Variants in TMCC1 observed in about 807,000 individuals in gnomAD.
The protein encoded by TMCC1 is transmembrane and coiled-coil domains protein 1.
Under a neutral mutation model 52.4 loss-of-function variants are expected in TMCC1, and 15 were observed. That is an observed-to-expected ratio of 0.29 (90% CI 0.19 to 0.44). The LOEUF (loss-of-function observed/expected upper bound fraction) is 0.44, where lower values mean the gene tolerates loss of function less well. Ranked by LOEUF, TMCC1 falls within the 20% of genes least tolerant of loss-of-function variation. The pLI is 1.00. For synonymous variants in TMCC1, 279 were observed against 301.9 expected, an observed-to-expected ratio of 0.92 and a Z score of 0.79; for missense variants, 503 against 806.0, an observed-to-expected ratio of 0.62 and a Z score of 4.55.
Position 129,651,476 on chromosome 3 carries a change from C to T in TMCC1, c.*5G>A, listed in dbSNP as rs749824597. 1.9e-5 allele frequency: 31 copies of T among 1,611,222 alleles called. No individual in the cohort carries two copies. The highest frequency in any genetic ancestry group is 1.0e-4 in the Admixed American group (6 of 59,880). ...GGGTAGGGAACAATGCCTTCTGTGC[C>T]AGCATCATCTAGGGGATGAAAAGAA... On this transcript the variant is annotated 3_prime_UTR_variant, in exon 7 of 7. Transcript: ENST00000393238. The surrounding 1 kb of genome is among the most constrained non-coding windows in gnomAD (Gnocchi z 5.1).
intron 4 of TMCC1, among the ~76,000 whole-genome samples, chr3:129,799,715 G>A (rs1214770515): frequency 6.6e-6 from 1 of 152,136 alleles, no homozygotes; most frequent in Non-Finnish European, 1.5e-5. Context: ...GGGAGGCTGA[G>A]GCAAGAGAAT....
At chr3:129,811,748 A>T (rs1436325900) in intron 4 of TMCC1, among the ~76,000 whole-genome samples, 1 of 151,860 alleles carries the variant, frequency 6.6e-6, no homozygotes, top group Non-Finnish European at 1.5e-5. Flanking sequence ...GTTCGAGCCC[A>T]GCCTGGCCAA....
rs537695308 is a variant in TMCC1 at position 129,873,344 on chromosome 3, A to C, written c.-184+6965T>G. ...AACCCAAAAGAAAAAAAATCACAGG[A>C]AATACATAACATGAAACACTATGCA... On this transcript the variant is annotated intron_variant, in intron 2 of 6. Coordinates refer to ENST00000393238, the MANE Select transcript of TMCC1 (RefSeq NM_001017395.5). 2.6e-5 allele frequency among the ~76,000 whole-genome samples: 4 copies of C among 152,072 alleles called. No individual in the cohort carries two copies. In the South Asian group the frequency reaches 8.3e-4, roughly 32 times the overall value.
intron 2 of TMCC1, among the ~76,000 whole-genome samples, chr3:129,837,134 T>G (rs966483928): frequency 1.3e-5 from 2 of 151,998 alleles, no homozygotes; most frequent in Non-Finnish European, 2.9e-5. Flanking sequence ...AAACCTTAGC[T>G]TGAGGATACT....
chr3:129,837,738 G>A (rs1172999125), intron 2 of TMCC1, among the ~76,000 whole-genome samples: 2 of 152,244 alleles, frequency 1.3e-5, no homozygotes, highest in South Asian at 2.1e-4. Flanking sequence ...AAATTAGAAC[G>A]TGATTAATAC....
Position 129,760,436 on chromosome 3 carries a change from T to TGTGTGTG in TMCC1, c.576+67366_576+67367insCACACAC, listed in dbSNP as rs1560352767. 1.9e-4 allele frequency among the ~76,000 whole-genome samples: 22 copies of TGTGTGTG among 113,974 alleles called. 1 individual carries two copies. In the East Asian group the frequency reaches 5.6e-3, roughly 29 times the overall value. 74.8% of individuals were successfully genotyped at this position (113,974 alleles called of 152,430 possible). A position where few individuals can be genotyped will look rare whatever the true frequency, so the allele number is the denominator to read the frequency against. On this transcript the variant is annotated intron_variant, in intron 4 of 6. Transcript: ENST00000393238. ...TGTGTGTGTGTGTGTGTGTGTGTGT[T>TGTGTGTG]TTTGAGACAGTCTCGCTCTGTGTGT...
At chr3:129,726,251 A>AC (rs2050072072) in intron 4 of TMCC1, among the ~76,000 whole-genome samples, 1 of 152,210 alleles carries the variant, frequency 6.6e-6, no homozygotes, top group African/African-American at 2.4e-5. Context: ...GTATTTATTC[A>AC]ATAATTCTTA....
At chr3:129,781,934 T>C (rs1436353163) in intron 4 of TMCC1, among the ~76,000 whole-genome samples, 1 of 152,056 alleles carries the variant, frequency 6.6e-6, no homozygotes, top group East Asian at 1.9e-4. Flanking sequence ...GGAGCCAAGA[T>C]AATTTGCTGA....
intron 4 of TMCC1, among the ~76,000 whole-genome samples, chr3:129,763,204 TAAAAAATAAATAAATAAATAAATA>T (rs2053764342): frequency 9.3e-6 from 1 of 106,966 alleles, no homozygotes; most frequent in African/African-American, 4.7e-5. Flanking sequence ...TCTCAAAAAA[TAAAAAATAAATAAATAAATAAATA>T]AATAAATAAA....
chr3:129,786,313 G>C (rs900246992), intron 4 of TMCC1, among the ~76,000 whole-genome samples: 1 of 152,098 alleles, frequency 6.6e-6, no homozygotes, highest in South Asian at 2.1e-4. Context: ...ATTATCTAGT[G>C]ATGTTGCTCC....
intron 2 of TMCC1, chr3:129,869,032 T>C (rs927122381): frequency 6.6e-6 from 1 of 152,124 alleles, no homozygotes; most frequent in Non-Finnish European, 1.5e-5. Context: ...TTATTCATAA[T>C]GTATTCCTTT....
intron 4 of TMCC1, among the ~76,000 whole-genome samples, chr3:129,733,891 G>A (rs558080645): frequency 1.0e-3 from 153 of 151,306 alleles, no homozygotes; most frequent in African/African-American, 3.4e-3. Context: ...TCACATCCAC[G>A]AACAGGCAAA....
At chr3:129,697,786 A>T (rs1269439397) in intron 4 of TMCC1, among the ~76,000 whole-genome samples, 3 of 152,160 alleles carry the variant, frequency 2.0e-5, no homozygotes, top group Non-Finnish European at 2.9e-5. Flanking sequence ...GCTAACACAT[A>T]ACAAGAGTCA....
intron 4 of TMCC1, among the ~76,000 whole-genome samples, chr3:129,824,867 A>T (rs1340354357): frequency 2.0e-5 from 3 of 152,198 alleles, no homozygotes; most frequent in African/African-American, 7.2e-5. Context: ...TGATTCTCCC[A>T]AGCAAACTTC....
intron 2 of TMCC1, among the ~76,000 whole-genome samples, chr3:129,878,337 T>C (rs1401281321): frequency 6.6e-6 from 1 of 152,210 alleles, no homozygotes; most frequent in African/African-American, 2.4e-5. Flanking sequence ...CCTGCAAACT[T>C]GTTTCTCTTT....
At chr3:129,745,613 A>G (rs899730902) in intron 4 of TMCC1, among the ~76,000 whole-genome samples, 2 of 151,970 alleles carry the variant, frequency 1.3e-5, no homozygotes, top group Non-Finnish European at 2.9e-5. Context: ...TTCCCAAAGG[A>G]GAGAGAGAGA....
In TMCC1 at chr3:129,648,667, G is replaced by C. The variant is rs2086157495; in HGVS notation, c.*2814C>G. 1 of 148,820 alleles carries C rather than the reference G, an allele frequency of 6.7e-6. No homozygotes were observed. Among genetic ancestry groups the C allele is most frequent in the Non-Finnish European group, 1.5e-5 (1 of 67,166 alleles). The allele number at this position is 148,820 out of a possible 1,614,324, so 9.2% of individuals were successfully genotyped here. On this transcript the variant is annotated 3_prime_UTR_variant, in exon 7 of 7. Transcript: ENST00000393238. ...TAAACCAGGAATGTTTCATTTTAAA[G>C]GGAATGAATACAGTTTTCTTTTCTT... is the stretch of plus-strand genomic sequence containing the variant.
intron 4 of TMCC1, among the ~76,000 whole-genome samples, chr3:129,772,961 T>C (rs1026369402): frequency 3.3e-5 from 5 of 152,164 alleles, no homozygotes; most frequent in Non-Finnish European, 7.3e-5. Flanking sequence ...TAGTATAACC[T>C]CTTTCGATGG....
At chr3:129,794,957 G>T (rs557027542) in intron 4 of TMCC1, among the ~76,000 whole-genome samples, 65 of 152,322 alleles carry the variant, frequency 4.3e-4, no homozygotes, top group African/African-American at 1.5e-3. Context: ...GCCCCTGGCT[G>T]TACCAGCTCC....
Sources: allele counts gnomAD v4.1 joint callset (sites outside exome capture counted in the v4.1 genomes callset), GRCh38; gene constraint gnomAD v4.1.1; non-coding constraint Gnocchi (gnomAD v3.1); transcripts MANE v1.5; gene names NCBI Gene and HGNC (gene_info 2026-07-23, HGNC 2026-07-21).